The following ENTPD3 variants were observed in gnomAD, a reference collection of about 807,000 sequenced individuals.
The protein encoded by ENTPD3 is CD39 antigen-like 3.
Under a neutral mutation model 51.2 loss-of-function variants are expected in ENTPD3, and 60 were observed. The ratio of observed to expected loss-of-function variants is 1.17; its 90% CI spans 0.95 to 1.45. The LOEUF is 1.45. Among genes scored for constraint, ENTPD3 ranks in the 40% most tolerant of loss-of-function variants. The pLI, the probability that ENTPD3 is intolerant of heterozygous loss-of-function variation, is 0.00. For missense variants in ENTPD3, 593 were observed against 641.1 expected (o/e 0.93, Z 0.81); for synonymous variants, 221 against 238.4 (o/e 0.93, Z 0.67).
chr3:40,419,170 C>A (rs1013062807), intron 7 of ENTPD3, among the ~76,000 whole-genome samples: 4 of 152,034 alleles, frequency 2.6e-5, no homozygotes, highest in Non-Finnish European at 4.4e-5. Context: ...TGTTTTGTTG[C>A]TACAACAATA....
chr3:40,397,907 T>C (rs1421388060), intron 3 of ENTPD3, among the ~76,000 whole-genome samples: 1 of 152,210 alleles, frequency 6.6e-6, no homozygotes, highest in African/African-American at 2.4e-5. Flanking sequence ...GAGGATTACT[T>C]ACTACTTTTT....
intron 4 of ENTPD3, among the ~76,000 whole-genome samples, chr3:40,407,527 A>G (rs1955531366): frequency 6.6e-6 from 1 of 152,190 alleles, no homozygotes; most frequent in African/African-American, 2.4e-5. Flanking sequence ...CCTGATCTAT[A>G]CAGTGATGTG....
chr3:40,406,141 C>T (rs76469913), intron 4 of ENTPD3, among the ~76,000 whole-genome samples: 1,544 of 152,176 alleles, frequency 0.01, 18 homozygotes, highest in South Asian at 0.035. Context: ...CTGTTTTGAA[C>T]AGGATTGTCA....
intron 10 of ENTPD3, among the ~76,000 whole-genome samples, chr3:40,425,264 G>A (rs1955958722): frequency 6.6e-6 from 1 of 150,964 alleles, no homozygotes; most frequent in Non-Finnish European, 1.5e-5. Context: ...CTAAAAATAC[G>A]AAATTAGCTG....
intron 6 of ENTPD3, 28 bp downstream of exon 6, chr3:40,414,868 A>C: frequency 1.2e-6 from 2 of 1,612,248 alleles, no homozygotes; most frequent in Non-Finnish European, 8.5e-7. Context: ...CATGGTTTTT[A>C]ATCTTACTGT....
At position 40,421,499 on chromosome 3, in the gene ENTPD3, A is replaced by G. The variant is rs143096116; in HGVS notation, c.832-1351A>G. ...GATTAAAGATTGAATAGTCATATGG[A>G]AAAAGTAAAGCCAAGTCTCTGAGTC... On this transcript the variant is annotated intron_variant, in intron 7 of 10. Transcript: ENST00000301825. 2.8e-3 allele frequency among the ~76,000 whole-genome samples: 434 copies of G among 152,334 alleles called. 3 individuals carry two copies. The highest frequency in any genetic ancestry group is 9.6e-3 in the African/African-American group (400 of 41,566).
chr3:40,390,125 T>G (rs535405906), intron 2 of ENTPD3, among the ~76,000 whole-genome samples: 1 of 152,346 alleles, frequency 6.6e-6, no homozygotes, highest in African/African-American at 2.4e-5. Flanking sequence ...ATGAATCTAG[T>G]GATCTTTCTA....
intron 4 of ENTPD3, among the ~76,000 whole-genome samples, chr3:40,404,148 A>G (rs1955438658): frequency 6.6e-6 from 1 of 151,920 alleles, no homozygotes; most frequent in South Asian, 2.1e-4. Context: ...ATAGTGTAGG[A>G]TCGAGATTGA....
chr3:40,401,022 A>C lies in ENTPD3; in HGVS notation c.286+11A>C. On this transcript the variant is annotated intron_variant, in intron 4 of 10. Coordinates refer to ENST00000301825, the MANE Select transcript of ENTPD3 (RefSeq NM_001248.4). The stretch of plus-strand genomic sequence containing the variant: ...AATGTAGTGTGAAAGGTAAGGACTG[A>C]AGTGTGTCTGGGAGTCACAATGGGC... 6.3e-7 allele frequency: 1 copy of C among 1,599,010 alleles called. No homozygotes were observed. Among genetic ancestry groups the C allele is most frequent in the Non-Finnish European group, 8.6e-7 (1 of 1,166,260 alleles).
intron 4 of ENTPD3, among the ~76,000 whole-genome samples, chr3:40,403,444 T>C (rs1182509874): frequency 1.3e-5 from 2 of 152,146 alleles, no homozygotes; most frequent in Non-Finnish European, 2.9e-5. Context: ...TGAAATGGTG[T>C]AAAGTGGCTT....
At position 40,427,907 on chromosome 3, in the gene ENTPD3, C is replaced by T. The variant is rs1044893980; in HGVS notation, c.*399C>T. 4 of 208,890 alleles carry T rather than the reference C, an allele frequency of 1.9e-5. No individual in the cohort carries two copies. Among genetic ancestry groups the T allele is most frequent in the Non-Finnish European group, 2.9e-5 (3 of 102,194 alleles). The allele number at this position is 208,890 out of a possible 1,614,324, so 12.9% of individuals were successfully genotyped here. ...CTGGCAAGATACCCATTAAGCATTT[C>T]GCCAATCAGAATCTCATTTTATAGT... On this transcript the variant is annotated 3_prime_UTR_variant, in exon 11 of 11. Coordinates refer to ENST00000301825, the MANE Select transcript of ENTPD3 (RefSeq NM_001248.4).
rs978425151 is a variant in ENTPD3, at chr3:40,409,936, G to C, written c.287-1876G>C. On this transcript the variant is annotated intron_variant, in intron 4 of 10. Transcript: ENST00000301825. ...AATTACCATTTATCTAAAAGTTGGG[G>C]TGATTAAAAATATATATTTGCTTAT... Among the ~76,000 whole-genome samples, 4 of 152,190 alleles carry C rather than the reference G, an allele frequency of 2.6e-5. No homozygotes were observed. The South Asian group carries it at 8.3e-4, about 32-fold the overall frequency.
intron 4 of ENTPD3, among the ~76,000 whole-genome samples, chr3:40,407,576 G>GGAGGATGAAGAAATAAA (rs1481042376): frequency 2.0e-5 from 3 of 152,066 alleles, no homozygotes; most frequent in Non-Finnish European, 4.4e-5. Context: ...CGGGGGAGGG[G>GGAGGATGAAGAAATAAA]GAGGATGAAG....
chr3:40,420,013 A>T (rs1955828570), intron 7 of ENTPD3, among the ~76,000 whole-genome samples: 1 of 152,222 alleles, frequency 6.6e-6, no homozygotes, highest in Non-Finnish European at 1.5e-5. Context: ...AAAAAAGAAA[A>T]GAACTAATAC....
At chr3:40,397,576 A>T (rs1297489624) in intron 3 of ENTPD3, among the ~76,000 whole-genome samples, 1 of 152,206 alleles carries the variant, frequency 6.6e-6, no homozygotes, top group African/African-American at 2.4e-5. Context: ...TGCCTAGAAT[A>T]AGTGCAGGAC....
rs1006847150 is a variant in ENTPD3 at position 40,388,580 on chromosome 3, A to G, written c.40+483A>G. Among the ~76,000 whole-genome samples, 5 of 64,698 alleles carry G rather than the reference A, an allele frequency of 7.7e-5. No homozygotes were observed. The Admixed American group carries it at 1.0e-3, about 13-fold the overall frequency. 42.4% of individuals were successfully genotyped at this position (64,698 alleles called of 152,430 possible). On this transcript the variant is annotated intron_variant, in intron 2 of 10. Transcript: ENST00000301825. ...TTTTCTCACACTGGAAGGCACACACACACAGACACACACACACACACACAC... is the reference window on the plus strand; with the variant it reads ...TTTTCTCACACTGGAAGGCACACACGCACAGACACACACACACACACACAC...
chr3:40,409,740 T>TTA (rs1308457882), intron 4 of ENTPD3, among the ~76,000 whole-genome samples: 3 of 152,228 alleles, frequency 2.0e-5, no homozygotes, highest in African/African-American at 7.2e-5. Flanking sequence ...AAAGTAGACT[T>TTA]ATTTAAACTC....
intron 4 of ENTPD3, among the ~76,000 whole-genome samples, chr3:40,409,582 T>C (rs1305802019): frequency 1.3e-5 from 2 of 152,132 alleles, no homozygotes; most frequent in Admixed American, 1.3e-4. Flanking sequence ...GGTTTTTTTA[T>C]TGGTTTGTGG....
chr3:40,426,404 C>G (rs553345328), intron 10 of ENTPD3, among the ~76,000 whole-genome samples: 68 of 151,520 alleles, frequency 4.5e-4, no homozygotes, highest in Non-Finnish European at 7.2e-4. Context: ...CATGACTGGC[C>G]ACAGATATCA....
Sources: allele counts gnomAD v4.1 joint callset (sites outside exome capture counted in the v4.1 genomes callset), GRCh38; gene constraint gnomAD v4.1.1; transcripts MANE v1.5; gene names NCBI Gene and HGNC (gene_info 2026-07-23, HGNC 2026-07-21).